The following SNPH variants were observed in gnomAD, a reference collection of about 807,000 sequenced individuals.
The protein encoded by SNPH is syntaphilin.
Under a neutral mutation model 36.8 loss-of-function variants are expected in SNPH, and 10 were observed. The ratio of observed to expected loss-of-function variants is 0.27; its 90% CI spans 0.17 to 0.46. The LOEUF (loss-of-function observed/expected upper bound fraction) is 0.46. Among genes scored for constraint, SNPH ranks in the 20% least tolerant of loss-of-function variants. The probability of loss-of-function intolerance (pLI) is 1.00; values close to 1 mark genes in which losing one functional copy is unlikely to be tolerated. For missense variants in SNPH, 622 were observed against 744.0 expected (o/e 0.84, Z 1.91); for synonymous variants, 281 against 312.2 (o/e 0.90, Z 1.05).
intron 2 of SNPH, among the ~76,000 whole-genome samples, chr20:1,281,266 AT>A (rs912064341): frequency 3.3e-5 from 5 of 152,146 alleles, no homozygotes; most frequent in African/African-American, 1.2e-4. Flanking sequence ...TTTAACCTCT[AT>A]AGCCTTCGTT....
chr20:1,280,686 G>C (rs560623494), intron 2 of SNPH, among the ~76,000 whole-genome samples: 1 of 152,198 alleles, frequency 6.6e-6, no homozygotes. Context: ...ACTGTACCAG[G>C]CTTTGTCCCA....
At chr20:1,283,330 G>T (rs2088247857) in intron 2 of SNPH, among the ~76,000 whole-genome samples, 1 of 152,198 alleles carries the variant, frequency 6.6e-6, no homozygotes. Context: ...CCTTGGGCAA[G>T]TGCCACCCAC....
chr20:1,296,309 C>A lies in SNPH; in HGVS notation c.70C>A (p.Arg24Ser). 1 of 1,586,884 alleles carries A rather than the reference C, an allele frequency of 6.3e-7. No individual in the cohort carries two copies. Among genetic ancestry groups the A allele is most frequent in the Admixed American group, 1.8e-5 (1 of 55,760 alleles). Residue 24 changes from arginine (R) to serine (S), a missense_variant, in exon 4 of 7, where the codon CGC becomes AGC. Physicochemically the swap from Arg to Ser is moderately radical, Grantham distance 110 (BLOSUM62 -1). Coordinates refer to ENST00000381867, the MANE Select transcript of SNPH (RefSeq NM_001318234.2). ...GPALSAGPPT[R>S]PLSSAPGIPP... The stretch of plus-strand genomic sequence containing the variant: ...GGCCCTTTCTGCGGGCCCCCCAACC[C>A]GCCCTCTCTCCTCAGCCCCCGGGAT...
intron 2 of SNPH, among the ~76,000 whole-genome samples, chr20:1,278,656 G>A (rs182988592): frequency 1.3e-3 from 197 of 152,264 alleles, no homozygotes; most frequent in Non-Finnish European, 2.4e-3. Flanking sequence ...TTTTGAGATT[G>A]ATGTTGTGTA....
intron 2 of SNPH, among the ~76,000 whole-genome samples, chr20:1,281,101 G>A (rs540530968): frequency 1.3e-5 from 2 of 152,276 alleles, no homozygotes; most frequent in Admixed American, 6.5e-5. Context: ...AGTAGGCAGC[G>A]AAGCTAACCC....
At chr20:1,283,420 C>T (rs372220715) in intron 2 of SNPH, among the ~76,000 whole-genome samples, 8 of 152,302 alleles carry the variant, frequency 5.3e-5, no homozygotes, top group African/African-American at 1.9e-4. Context: ...TGCCGTGCCA[C>T]TAACAAACAA....
chr20:1,287,028 G>A (rs2088291703), intron 2 of SNPH, among the ~76,000 whole-genome samples: 1 of 152,188 alleles, frequency 6.6e-6, no homozygotes, highest in African/African-American at 2.4e-5. Context: ...CCGACTCCCA[G>A]TGGACCATCA....
At position 1,266,711 on chromosome 20, in the gene SNPH, G is replaced by C. The variant is rs1041491513; in HGVS notation, c.-542G>C. The C allele has an allele frequency of 2.2e-5, 31 of 1,427,246 alleles. 2 individuals carry two copies. The South Asian group carries it at 3.5e-4, about 16-fold the overall frequency. 88.4% of individuals were successfully genotyped at this position (1,427,246 alleles called of 1,614,324 possible). On this transcript the variant is annotated 5_prime_UTR_variant, in exon 2 of 7. Coordinates refer to ENST00000381867, the MANE Select transcript of SNPH (RefSeq NM_001318234.2). The surrounding 1 kb of genome is among the most constrained non-coding windows in gnomAD (Gnocchi z 6.0). ...GACTGCAGAGGCGCTGCGCCAAGCC[G>C]GGCCGGAGTGGTGCGAGCCGGCGGG...
At chr20:1,268,237 T>C (rs1486507785) in intron 2 of SNPH, among the ~76,000 whole-genome samples, 1 of 152,154 alleles carries the variant, frequency 6.6e-6, no homozygotes, top group Non-Finnish European at 1.5e-5. Flanking sequence ...TAGCCCAGCA[T>C]TGGGTTTGGA....
chr20:1,303,701 T>C (rs78602328), intron 6 of SNPH, among the ~76,000 whole-genome samples: 4,309 of 152,252 alleles, frequency 0.028, 80 homozygotes, highest in Middle Eastern at 0.058. Context: ...GGAATGAGAT[T>C]CCTGGGCCCA....
At chr20:1,277,825 G>A (rs1297315874) in intron 2 of SNPH, among the ~76,000 whole-genome samples, 1 of 148,564 alleles carries the variant, frequency 6.7e-6, no homozygotes, top group Non-Finnish European at 1.5e-5. Flanking sequence ...CTGTGTGTCT[G>A]TGTATCTGTG....
At chr20:1,303,331 G>T (rs1600265458) in intron 6 of SNPH, among the ~76,000 whole-genome samples, 1 of 152,242 alleles carries the variant, frequency 6.6e-6, no homozygotes, top group Non-Finnish European at 1.5e-5. Context: ...CGTGGACAGG[G>T]CTCGAAGCCA....
chr20:1,305,373 G>T lies in SNPH; in HGVS notation c.936G>T (p.Val312=). The change falls in exon 7 of 7, where the codon GTG becomes GTT. Residue 312 remains valine, a synonymous_variant. Transcript: ENST00000381867. ...CCAGCAGCCTGCTGTCGTCGGGGGT[G>T]GACTGTGGCACCGAGGAGACCTCGC... The part of the protein sequence containing the change: ...LEASSLLSSG[V]DCGTEETSLH... The T allele has an allele frequency of 6.2e-7, 1 of 1,612,704 alleles. No homozygotes were observed. The highest frequency in any genetic ancestry group is 8.5e-7 in the Non-Finnish European group (1 of 1,179,992).
intron 2 of SNPH, among the ~76,000 whole-genome samples, chr20:1,281,278 A>G (rs1442834459): frequency 6.6e-6 from 1 of 152,160 alleles, no homozygotes; most frequent in Non-Finnish European, 1.5e-5. Flanking sequence ...AGCCTTCGTT[A>G]AAACGTCGTC....
chr20:1,285,210 C>G lies in SNPH; in HGVS notation c.-492-9741C>G, dbSNP rs1480220682. On this transcript the variant is annotated intron_variant, in intron 2 of 6. Transcript: ENST00000381867. This position sits in a 1 kb window ranked among gnomAD's most constrained non-coding sequence, Gnocchi z 4.9. ...GAAAAACAGATTTTTAAGGCAAAAT[C>G]AGAAATTCATATTTTGGATGTGTTA... Among the ~76,000 whole-genome samples the G allele has an allele frequency of 6.6e-6, 1 of 152,154 alleles. No individual in the cohort carries two copies. Among genetic ancestry groups the G allele is most frequent in the African/African-American group, 2.4e-5 (1 of 41,432 alleles).
In SNPH at chr20:1,306,074, G is replaced by A. The variant is rs182717216; in HGVS notation, c.*20G>A. On this transcript the variant is annotated 3_prime_UTR_variant, in exon 7 of 7. Coordinates refer to ENST00000381867, the MANE Select transcript of SNPH (RefSeq NM_001318234.2). ...CTCTGAGGGGGCCCATTCTGGCAGC[G>A]GCGCCTGCGGCCTGACCACTGATTG... The A allele has an allele frequency of 2.1e-4, 306 of 1,425,456 alleles. 1 individual carries two copies. In the African/African-American group the frequency reaches 3.2e-3, roughly 15 times the overall value. 88.3% of individuals were successfully genotyped at this position (1,425,456 alleles called of 1,614,324 possible). A position where few individuals can be genotyped will look rare whatever the true frequency, so the allele number is the denominator to read the frequency against.
At position 1,306,044 on chromosome 20, in the gene SNPH, C is replaced by T. The variant is rs540231365; in HGVS notation, c.1607C>T (p.Ser536Phe). The change falls in exon 7 of 7, where the codon TCC becomes TTC. Residue 536 changes from serine to phenylalanine, a missense_variant. Physicochemically the swap from Ser to Phe is radical, Grantham distance 155. Coordinates refer to ENST00000381867, the MANE Select transcript of SNPH (RefSeq NM_001318234.2). ...QPSPSPAGGGSQL is the reference protein window; with the variant it reads ...QPSPSPAGGGFQL ...AGTCCCAGCCCAGCGGGCGGCGGCTCCCAGCTCTGAGGGGGCCCATTCTGG... is the reference window on the plus strand; with the variant it reads ...AGTCCCAGCCCAGCGGGCGGCGGCTTCCAGCTCTGAGGGGGCCCATTCTGG... The T allele has an allele frequency of 4.8e-6, 7 of 1,467,242 alleles. No homozygotes were observed. Among genetic ancestry groups the T allele is most frequent in the Middle Eastern group, 4.0e-4 (2 of 4,942 alleles). 90.9% of individuals were successfully genotyped at this position (1,467,242 alleles called of 1,614,324 possible). A position where few individuals can be genotyped will look rare whatever the true frequency, so the allele number is the denominator to read the frequency against.
Position 1,266,639 on chromosome 20 carries a change from T to C in SNPH, c.-599-15T>C. The C allele has an allele frequency of 6.7e-7, 1 of 1,486,582 alleles. No individual in the cohort carries two copies. Among genetic ancestry groups the C allele is most frequent in the South Asian group, 1.3e-5 (1 of 77,028 alleles). 92.1% of individuals were successfully genotyped at this position (1,486,582 alleles called of 1,614,324 possible). Reference sequence around the variant, plus strand: ...CTCACCCGCCCCGGTCTATCTCTTTTTCCTAACCCCGCAGGTCGCTGATCA... The same window carrying C: ...CTCACCCGCCCCGGTCTATCTCTTTCTCCTAACCCCGCAGGTCGCTGATCA... On this transcript the variant is annotated splice_polypyrimidine_tract_variant and intron_variant, in intron 1 of 6. Coordinates refer to ENST00000381867, the MANE Select transcript of SNPH (RefSeq NM_001318234.2). The surrounding 1 kb of genome is among the most constrained non-coding windows in gnomAD (Gnocchi z 6.0).
rs562245632 is a variant in SNPH at position 1,308,865 on chromosome 20, G to C, written c.*2811G>C. On this transcript the variant is annotated 3_prime_UTR_variant, in exon 7 of 7. Transcript: ENST00000381867. ...TGGCTTCTCCTGAGTTCTAGGGCTC[G>C]GGCCAGAGTGGCACTACTGCCCGGC... 4 of 152,360 alleles carry C rather than the reference G, an allele frequency of 2.6e-5. No individual in the cohort carries two copies. The highest frequency in any genetic ancestry group is 9.6e-5 in the African/African-American group (4 of 41,558). 9.4% of individuals were successfully genotyped at this position (152,360 alleles called of 1,614,324 possible). A position where few individuals can be genotyped will look rare whatever the true frequency, so the allele number is the denominator to read the frequency against.
Sources: gnomAD v4.1 joint callset for allele counts (sites outside exome capture counted in the v4.1 genomes callset) on GRCh38, gnomAD v4.1.1 for gene constraint, Gnocchi (gnomAD v3.1) non-coding constraint, MANE v1.5 for transcripts, NCBI Gene and HGNC (gene_info 2026-07-23, HGNC 2026-07-21) for gene names.